NRXN3: variants seen among roughly 807,000 people sequenced by gnomAD.
NRXN3 encodes the protein neurexin III.
NRXN3 carries 32 observed loss-of-function variants against 137.6 expected under a neutral mutation model. That is an observed-to-expected ratio of 0.23 (90% confidence interval 0.18 to 0.31). NRXN3 has a LOEUF of 0.31. Ranked by LOEUF, NRXN3 falls within the 10% of genes least tolerant of loss-of-function variation. The pLI is 1.00. For synonymous variants in NRXN3, 798 were observed against 784.5 expected (o/e 1.02, Z -0.29); for missense variants, 1,574 against 2,062.5 (o/e 0.76, Z 4.59).
At chr14:79,337,196 C>T (rs949438188) in intron 15 of NRXN3, among the ~76,000 whole-genome samples, 11 of 152,110 alleles carry the variant, frequency 7.2e-5, no homozygotes, top group African/African-American at 2.4e-4. Flanking sequence ...GAATCTGAGT[C>T]GGGACCTTCT....
intron 15 of NRXN3, among the ~76,000 whole-genome samples, chr14:79,061,620 A>C (rs1026265723): frequency 6.6e-6 from 1 of 152,206 alleles, no homozygotes; most frequent in Non-Finnish European, 1.5e-5. Flanking sequence ...GCTGTGAAAC[A>C]ATGAACTGGC....
chr14:78,689,343 A>C (rs956371151), intron 6 of NRXN3, among the ~76,000 whole-genome samples: 2 of 152,186 alleles, frequency 1.3e-5, no homozygotes, highest in Admixed American at 6.5e-5. Context: ...AATAATTCAG[A>C]GCTATTTTTC....
rs77432548 is a variant in NRXN3 at position 78,317,698 on chromosome 14, C to T, written c.757+19838C>T. On this transcript the variant is annotated intron_variant, in intron 4 of 20. Coordinates refer to ENST00000335750, the MANE Select transcript of NRXN3 (RefSeq NM_001330195.2). ...TGCGAATCCCATTTAGAAATACCTT[C>T]CCAGACACACTCAGAACAATGTTTA... is the stretch of plus-strand genomic sequence containing the variant. Among the ~76,000 whole-genome samples the T allele has an allele frequency of 2.2e-3, 335 of 152,296 alleles. 1 individual carries two copies. Among genetic ancestry groups the T allele is most frequent in the African/African-American group, 7.8e-3 (323 of 41,564 alleles).
chr14:79,519,251 G>A (rs75573395), intron 16 of NRXN3, among the ~76,000 whole-genome samples: 7,663 of 151,944 alleles, frequency 0.05, 197 homozygotes, highest in Middle Eastern at 0.11. Flanking sequence ...ATTTTTCTGT[G>A]CTTATTTTCC....
At chr14:79,105,140 A>G (rs544832816) in intron 15 of NRXN3, among the ~76,000 whole-genome samples, 2 of 152,296 alleles carry the variant, frequency 1.3e-5, no homozygotes, top group South Asian at 4.1e-4. Flanking sequence ...GATTTTAATT[A>G]TAACAAAAAC....
At chr14:79,271,873 A>C (rs963998415) in intron 15 of NRXN3, among the ~76,000 whole-genome samples, 1 of 152,190 alleles carries the variant, frequency 6.6e-6, no homozygotes, top group African/African-American at 2.4e-5. Context: ...CTCTTTTCCA[A>C]GATAACTTCT....
chr14:78,845,905 G>GGTGTGTGTGTGT (rs3034390), intron 10 of NRXN3, among the ~76,000 whole-genome samples: 9 of 146,336 alleles, frequency 6.2e-5, no homozygotes, highest in South Asian at 4.5e-4. Context: ...AGTATGTTGG[G>GGTGTGTGTGTGT]GTGTGTGTGT....
intron 8 of NRXN3, among the ~76,000 whole-genome samples, chr14:78,781,984 C>T (rs952382961): frequency 2.0e-5 from 3 of 152,186 alleles, no homozygotes; most frequent in Non-Finnish European, 4.4e-5. Context: ...TTGACCTTCT[C>T]GTTGGAAACC....
intron 17 of NRXN3, among the ~76,000 whole-genome samples, chr14:79,690,189 A>G (rs561433535): frequency 1.3e-5 from 2 of 152,232 alleles, no homozygotes; most frequent in South Asian, 4.1e-4. Flanking sequence ...TAGGATTATG[A>G]GTTATAGATG....
At chr14:78,688,292 A>T (rs139262188) in intron 6 of NRXN3, among the ~76,000 whole-genome samples, 156 of 152,316 alleles carry the variant, frequency 1.0e-3, no homozygotes, top group African/African-American at 3.7e-3. Context: ...GATCTTACAG[A>T]GAGAAAACCA....
At chr14:78,701,300 A>C (rs1594892781) in intron 6 of NRXN3, among the ~76,000 whole-genome samples, 1 of 152,168 alleles carries the variant, frequency 6.6e-6, no homozygotes, top group South Asian at 2.1e-4. Flanking sequence ...TCCTTTCACA[A>C]AGAATCCATC....
chr14:78,247,878 T>G (rs1486915854), intron 2 of NRXN3, among the ~76,000 whole-genome samples: 1 of 152,198 alleles, frequency 6.6e-6, no homozygotes, highest in East Asian at 1.9e-4. Context: ...GAAGAATTGA[T>G]TTGGTGCTAA....
intron 4 of NRXN3, among the ~76,000 whole-genome samples, chr14:78,371,690 T>C (rs778181158): frequency 5.3e-5 from 8 of 152,168 alleles, no homozygotes; most frequent in South Asian, 2.1e-4. Flanking sequence ...CTCCATCCCA[T>C]GTGGGGTTGA....
chr14:79,016,156 C>T (rs1319029814), intron 15 of NRXN3, among the ~76,000 whole-genome samples: 1 of 152,168 alleles, frequency 6.6e-6, no homozygotes, highest in Non-Finnish European at 1.5e-5. Flanking sequence ...CTGACATAAG[C>T]AGCTTTGTGC....
chr14:79,545,503 TGATAG>T (rs2097310707), intron 16 of NRXN3, among the ~76,000 whole-genome samples: 1 of 152,176 alleles, frequency 6.6e-6, no homozygotes, highest in African/African-American at 2.4e-5. Flanking sequence ...TGCACCTGGA[TGATAG>T]GCAAGCTCCC....
At chr14:79,650,883 A>G in intron 16 of NRXN3, among the ~76,000 whole-genome samples, 1 of 152,192 alleles carries the variant, frequency 6.6e-6, no homozygotes, top group Non-Finnish European at 1.5e-5. Context: ...ATGGTGGTCC[A>G]AAAGACTGTG....
Position 79,230,226 on chromosome 14 carries a change from T to C in NRXN3, c.3263-236995T>C, listed in dbSNP as rs74980913. On this transcript the variant is annotated intron_variant, in intron 15 of 20. Transcript: ENST00000335750. ...AGGGTAGATTTCTTGGGTAACGGTT[T>C]TGAAGAAAGAAGGCCTGGTGTGAGA... 3.4e-3 allele frequency among the ~76,000 whole-genome samples: 511 copies of C among 152,218 alleles called. 15 individuals carry two copies. The East Asian group carries it at 0.07, about 21-fold the overall frequency.
intron 15 of NRXN3, among the ~76,000 whole-genome samples, chr14:79,261,664 T>G (rs1371655903): frequency 3.2e-5 from 4 of 126,392 alleles, no homozygotes; most frequent in African/African-American, 5.8e-5. Context: ...GGCGGGGGGA[T>G]GACAACATGC....
intron 10 of NRXN3, among the ~76,000 whole-genome samples, chr14:78,929,710 A>G (rs1225773126): frequency 2.0e-5 from 3 of 152,200 alleles, no homozygotes; most frequent in Non-Finnish European, 4.4e-5. Context: ...GTATATATCC[A>G]GTAATGGGAT....
Sources: allele counts gnomAD v4.1 joint callset (sites outside exome capture counted in the v4.1 genomes callset), GRCh38; gene constraint gnomAD v4.1.1; transcripts MANE v1.5; gene names NCBI Gene and HGNC (gene_info 2026-07-23, HGNC 2026-07-21).